CALN1: variants seen among roughly 807,000 people sequenced by gnomAD.
CALN1 encodes calneuron 1.
In CALN1, 17 loss-of-function variants were observed where a neutral mutation model predicts 30.6. That is an observed-to-expected ratio of 0.56 (90% CI 0.38 to 0.83). The LOEUF is 0.83. CALN1 is among the 40% of genes least tolerant of loss of function. CALN1 has a pLI of 0.00. For missense variants in CALN1, 291 were observed against 354.9 expected (o/e 0.82, Z 1.45); for synonymous variants, 156 against 131.4 (o/e 1.19, Z -1.28).
intron 2 of CALN1, among the ~76,000 whole-genome samples, chr7:72,356,606 G>A (rs1411070240): frequency 2.6e-5 from 4 of 151,708 alleles, no homozygotes; most frequent in African/African-American, 7.3e-5. Flanking sequence ...CCTGAAAGAT[G>A]GAACATTTCA....
chr7:72,083,877 C>CA (rs950551043), intron 4 of CALN1, among the ~76,000 whole-genome samples: 5 of 150,654 alleles, frequency 3.3e-5, no homozygotes, highest in African/African-American at 9.8e-5. Context: ...CAAAAACTTG[C>CA]AAAAAAAACC....
chr7:72,199,850 C>G (rs557824667), intron 3 of CALN1, among the ~76,000 whole-genome samples: 2 of 152,100 alleles, frequency 1.3e-5, no homozygotes, highest in East Asian at 3.9e-4. Flanking sequence ...ACAACAACAA[C>G]AAAATCCACA....
intron 3 of CALN1, among the ~76,000 whole-genome samples, chr7:72,180,200 G>A (rs1266140599): frequency 1.3e-5 from 2 of 152,112 alleles, no homozygotes; most frequent in Admixed American, 6.5e-5. Flanking sequence ...ATGGAAGTTG[G>A]CCCTAGAGCT....
intron 4 of CALN1, among the ~76,000 whole-genome samples, chr7:72,042,209 T>C (rs112374876): frequency 1.3e-5 from 2 of 152,258 alleles, no homozygotes; most frequent in African/African-American, 2.4e-5. Context: ...GTTAGGTGGG[T>C]GGGCCATGTG....
At chr7:71,866,047 C>T (rs369993992) in intron 5 of CALN1, among the ~76,000 whole-genome samples, 1 of 151,910 alleles carries the variant, frequency 6.6e-6, no homozygotes, top group Admixed American at 6.6e-5. Flanking sequence ...GCTCTGTCGC[C>T]CAGGTTGGAG....
chr7:72,136,232 C>T (rs1809504190), intron 3 of CALN1, among the ~76,000 whole-genome samples: 1 of 152,110 alleles, frequency 6.6e-6, no homozygotes, highest in Non-Finnish European at 1.5e-5. Context: ...CATCAATTTT[C>T]TTAACTGGAA....
At chr7:71,875,728 G>A (rs928417463) in intron 5 of CALN1, among the ~76,000 whole-genome samples, 1 of 152,160 alleles carries the variant, frequency 6.6e-6, no homozygotes, top group Non-Finnish European at 1.5e-5. Context: ...AAGAGGTGGG[G>A]TAAGGGGGCC....
chr7:72,266,630 G>A (rs1164259300), intron 3 of CALN1, among the ~76,000 whole-genome samples: 1 of 151,928 alleles, frequency 6.6e-6, no homozygotes, highest in African/African-American at 2.4e-5. Context: ...ATCTTATGAT[G>A]CCTTGATCGC....
chr7:72,247,227 C>CTTCTTTTT (rs1562791287), intron 3 of CALN1, among the ~76,000 whole-genome samples: 1 of 77,672 alleles, frequency 1.3e-5, no homozygotes, highest in Non-Finnish European at 2.3e-5. Flanking sequence ...CATTTTCTTT[C>CTTCTTTTT]TTTTTTTTTT....
At chr7:72,319,575 C>A (rs1299717202) in intron 2 of CALN1, among the ~76,000 whole-genome samples, 1 of 152,202 alleles carries the variant, frequency 6.6e-6, no homozygotes, top group African/African-American at 2.4e-5. Context: ...TGGAATACTA[C>A]TTAGCCATGA....
Position 72,253,403 on chromosome 7 carries a change from G to A in CALN1, c.244+25283C>T, listed in dbSNP as rs1795696500. Among the ~76,000 whole-genome samples, 3 of 152,172 alleles carry A rather than the reference G, an allele frequency of 2.0e-5. No individual in the cohort carries two copies. In the South Asian group the frequency reaches 6.2e-4, roughly 32 times the overall value. ...TTTGTGTTAGTTTGTTTTAAGGACT[G>A]CTATAAAGACATACCTGAGACTGGG... On this transcript the variant is annotated intron_variant, in intron 3 of 6. Coordinates refer to ENST00000395275, the MANE Select transcript of CALN1 (RefSeq NM_031468.4).
At chr7:72,344,915 T>C (rs149584264) in intron 2 of CALN1, among the ~76,000 whole-genome samples, 4,346 of 147,634 alleles carry the variant, frequency 0.029, 135 homozygotes, top group African/African-American at 0.077. Context: ...TATAAATGTA[T>C]ATGTGAACAT....
chr7:72,294,737 G>A (rs1250565570), intron 2 of CALN1, among the ~76,000 whole-genome samples: 2 of 129,480 alleles, frequency 1.5e-5, no homozygotes, highest in Non-Finnish European at 3.1e-5. Flanking sequence ...GACAAAGACT[G>A]TCTCTAAAAA....
chr7:71,899,636 A>G (rs147664276), intron 5 of CALN1, among the ~76,000 whole-genome samples: 38 of 152,338 alleles, frequency 2.5e-4, no homozygotes, highest in Admixed American at 5.2e-4. Flanking sequence ...GATGATATTT[A>G]TTTTGGAATT....
At chr7:72,110,700 CA>C in intron 3 of CALN1, among the ~76,000 whole-genome samples, 1 of 143,978 alleles carries the variant, frequency 6.9e-6, no homozygotes, top group Non-Finnish European at 1.5e-5. Flanking sequence ...AAAAAAAATA[CA>C]AAACTAGAAA....
chr7:72,379,411 T>A (rs1161257638), intron 2 of CALN1, among the ~76,000 whole-genome samples: 1 of 152,240 alleles, frequency 6.6e-6, no homozygotes, highest in African/African-American at 2.4e-5. Context: ...AGTTATAGGG[T>A]GCATACCAGA....
chr7:72,273,256 T>C (rs1337975541), intron 3 of CALN1, among the ~76,000 whole-genome samples: 1 of 151,914 alleles, frequency 6.6e-6, no homozygotes, highest in Non-Finnish European at 1.5e-5. Context: ...ACCCTGTCTC[T>C]ACTAAAATTA....
intron 2 of CALN1, among the ~76,000 whole-genome samples, chr7:72,317,142 A>G (rs1800537281): frequency 1.8e-5 from 2 of 109,080 alleles, no homozygotes; most frequent in East Asian, 6.7e-4. Flanking sequence ...GGGAAGGAGA[A>G]GGCAGGGAAG....
intron 3 of CALN1, among the ~76,000 whole-genome samples, chr7:72,123,867 C>T (rs1218976903): frequency 6.6e-6 from 1 of 152,146 alleles, no homozygotes. Flanking sequence ...GTTTCTCTAT[C>T]GAAATAAGTC....
Sources: gnomAD v4.1 joint callset for allele counts (sites outside exome capture counted in the v4.1 genomes callset) on GRCh38, gnomAD v4.1.1 for gene constraint, MANE v1.5 for transcripts, NCBI Gene and HGNC (gene_info 2026-07-23, HGNC 2026-07-21) for gene names.